The following PPP6C variants were observed in gnomAD, a reference collection of about 807,000 sequenced individuals.
The protein encoded by PPP6C is serine/threonine-protein phosphatase 6 catalytic subunit.
In PPP6C, 11 loss-of-function variants were observed where a neutral mutation model predicts 39.8. That is an observed-to-expected ratio of 0.28 (90% CI 0.17 to 0.46). The LOEUF (loss-of-function observed/expected upper bound fraction) is 0.46, where lower values mean the gene tolerates loss of function less well. PPP6C is among the 20% of genes least tolerant of loss of function. The probability of loss-of-function intolerance (pLI) is 1.00; values close to 1 mark genes in which losing one functional copy is unlikely to be tolerated. For synonymous variants in PPP6C, 129 were observed against 130.3 expected (o/e 0.99, Z 0.07); for missense variants, 211 against 373.9 (o/e 0.56, Z 3.59).
chr9:125,189,437 G>A (rs1829613152), intron 1 of PPP6C: 3 of 1,352,206 alleles, frequency 2.2e-6, no homozygotes, highest in South Asian at 3.1e-5. Context: ...CATCCCTCGG[G>A]ATCCCCACTG....
intron 4 of PPP6C, 44 bp downstream of exon 4, chr9:125,158,197 G>A (rs1308899733): frequency 6.5e-7 from 1 of 1,540,352 alleles, no homozygotes; most frequent in Non-Finnish European, 8.9e-7. Flanking sequence ...TTCCAAAGAG[G>A]AAAGTAAAAT....
chr9:125,155,419 A>C (rs1267272011), intron 4 of PPP6C, among the ~76,000 whole-genome samples: 2 of 152,202 alleles, frequency 1.3e-5, no homozygotes, highest in Non-Finnish European at 2.9e-5. Context: ...ATTGTTATGT[A>C]AACTTGCCAT....
chr9:125,169,185 T>C (rs1390686167), intron 2 of PPP6C, among the ~76,000 whole-genome samples: 1 of 152,246 alleles, frequency 6.6e-6, no homozygotes, highest in African/African-American at 2.4e-5. Flanking sequence ...AGTAGCTGTG[T>C]GTGAGTTTGG....
intron 1 of PPP6C, among the ~76,000 whole-genome samples, chr9:125,178,229 C>T (rs1417664436): frequency 1.3e-5 from 2 of 152,124 alleles, no homozygotes; most frequent in Non-Finnish European, 2.9e-5. Flanking sequence ...ACTGCCAAAC[C>T]GTCTTCCAAA....
At position 125,173,885 on chromosome 9, in the gene PPP6C, G is replaced by C. The variant is rs912800692; in HGVS notation, c.76-2705C>G. ...CCCGCCTCGGCCTCCCAAAGTGCTG[G>C]GATTACAGGCGTGAGCCACCGCACC... is the stretch of plus-strand genomic sequence containing the variant. On this transcript the variant is annotated intron_variant, in intron 1 of 6. Coordinates refer to ENST00000373547, the MANE Select transcript of PPP6C (RefSeq NM_002721.5). Among the ~76,000 whole-genome samples, 14 of 152,058 alleles carry C rather than the reference G, an allele frequency of 9.2e-5. 1 individual carries two copies. Among genetic ancestry groups the C allele is most frequent in the Admixed American group, 9.2e-4 (14 of 15,274 alleles).
intron 2 of PPP6C, among the ~76,000 whole-genome samples, chr9:125,170,021 G>A (rs1829109907): frequency 6.6e-6 from 1 of 152,180 alleles, no homozygotes; most frequent in African/African-American, 2.4e-5. Flanking sequence ...AAATTGCACA[G>A]GTGACAGTAA....
At chr9:125,162,670 G>A (rs2131313637) in intron 2 of PPP6C, among the ~76,000 whole-genome samples, 1 of 151,202 alleles carries the variant, frequency 6.6e-6, no homozygotes, top group African/African-American at 2.4e-5. Flanking sequence ...CTGCTACTCG[G>A]GAGGCTGAGG....
intron 6 of PPP6C, among the ~76,000 whole-genome samples, chr9:125,152,224 T>A (rs928892252): frequency 7.9e-5 from 12 of 152,122 alleles, no homozygotes; most frequent in African/African-American, 2.9e-4. Context: ...TTCTCTTTTG[T>A]ACCTACTCCT....
At chr9:125,151,283 A>C (rs1156852709) in intron 6 of PPP6C, 2 of 1,494,260 alleles carry the variant, frequency 1.3e-6, no homozygotes, top group East Asian at 4.5e-5. Flanking sequence ...TCTGGTGGCC[A>C]TCCTTGCGGA....
At chr9:125,157,087 G>T (rs189253618) in intron 4 of PPP6C, among the ~76,000 whole-genome samples, 2 of 151,666 alleles carry the variant, frequency 1.3e-5, no homozygotes, top group African/African-American at 4.8e-5. Context: ...CCATTAACTC[G>T]TCATTTACAT....
chr9:125,159,002 T>C (rs762713876), intron 3 of PPP6C, among the ~76,000 whole-genome samples: 1 of 151,644 alleles, frequency 6.6e-6, no homozygotes, highest in Non-Finnish European at 1.5e-5. Flanking sequence ...CCTACATTAG[T>C]TGATTTGGTC....
At chr9:125,186,363 A>G (rs1006961405) in intron 1 of PPP6C, among the ~76,000 whole-genome samples, 1 of 152,072 alleles carries the variant, frequency 6.6e-6, no homozygotes, top group African/African-American at 2.4e-5. Flanking sequence ...AAGCATTTCC[A>G]AGACAGAAAA....
chr9:125,188,962 G>A (rs746014461), intron 1 of PPP6C: 3 of 1,544,056 alleles, frequency 1.9e-6, no homozygotes, highest in Admixed American at 2.0e-5. Context: ...GTTAAGAAGG[G>A]GTTAAGGAGA....
At chr9:125,179,244 G>C (rs1271456425) in intron 1 of PPP6C, among the ~76,000 whole-genome samples, 1 of 141,992 alleles carries the variant, frequency 7.0e-6, no homozygotes, top group Non-Finnish European at 1.5e-5. Context: ...TGCATATTTT[G>C]GATAACAATA....
At position 125,149,443 on chromosome 9, in the gene PPP6C, C is replaced by T; in HGVS notation, c.*230G>A. On this transcript the variant is annotated 3_prime_UTR_variant, in exon 7 of 7. Transcript: ENST00000373547. ...AGTATTAAGACATTTCTCAAGTCTT[C>T]TCAAATGAGTCCAGGGTGGGGATGG... 2.2e-6 allele frequency: 1 copy of T among 463,918 alleles called. No individual in the cohort carries two copies. The highest frequency in any genetic ancestry group is 3.8e-6 in the Non-Finnish European group (1 of 265,660). The allele number at this position is 463,918 out of a possible 1,614,324, so 28.7% of individuals were successfully genotyped here.
At position 125,147,178 on chromosome 9, in the gene PPP6C, A is replaced by AT. The variant is rs1835830935; in HGVS notation, c.*2494dup. On this transcript the variant is annotated 3_prime_UTR_variant, in exon 7 of 7. Transcript: ENST00000373547. ...AACTTATAAAAAGCTAGCCAAGAGC[A>AT]TATCGGCCAAAGGAGGAAAGGGAGT... 1 of 152,248 alleles carries AT rather than the reference A, an allele frequency of 6.6e-6. No homozygotes were observed. The highest frequency in any genetic ancestry group is 2.4e-5 in the African/African-American group (1 of 41,466). The allele number at this position is 152,248 out of a possible 1,614,324, so 9.4% of individuals were successfully genotyped here. A position where few individuals can be genotyped will look rare whatever the true frequency, so the allele number is the denominator to read the frequency against.
chr9:125,160,699 C>T (rs915743990), intron 3 of PPP6C, 142 bp downstream of exon 3: 26 of 511,474 alleles, frequency 5.1e-5, no homozygotes, highest in African/African-American at 1.0e-4. Flanking sequence ...TTATCAGCGG[C>T]GTGAAAACGG....
chr9:125,189,524 C>A (rs770369734), intron 1 of PPP6C, 120 bp downstream of exon 1: 2 of 1,511,644 alleles, frequency 1.3e-6, no homozygotes, highest in Non-Finnish European at 1.8e-6. Context: ...GGTCGACTGG[C>A]AATGGGGGAG....
At chr9:125,186,968 A>G (rs1444583792) in intron 1 of PPP6C, among the ~76,000 whole-genome samples, 6 of 109,910 alleles carry the variant, frequency 5.5e-5, no homozygotes, top group African/African-American at 2.3e-4. Flanking sequence ...TTTTGGTGAG[A>G]CGGAGTCTCC....
Sources: allele counts gnomAD v4.1 joint callset (sites outside exome capture counted in the v4.1 genomes callset), GRCh38; gene constraint gnomAD v4.1.1; transcripts MANE v1.5; gene names NCBI Gene and HGNC (gene_info 2026-07-23, HGNC 2026-07-21).